TCF7L2: variants seen among roughly 807,000 people sequenced by gnomAD.
The protein encoded by TCF7L2 is transcription factor 7 like 2.
TCF7L2 carries 23 observed loss-of-function variants against 77.9 expected under a neutral mutation model. That is an observed-to-expected ratio of 0.30 (90% CI 0.21 to 0.42). The LOEUF is 0.42. Among genes scored for constraint, TCF7L2 ranks in the 10% least tolerant of loss-of-function variants. TCF7L2 has a pLI of 1.00. For missense variants in TCF7L2, 654 were observed against 793.1 expected, an observed-to-expected ratio of 0.82 and a Z score of 2.11; for synonymous variants, 413 against 340.2, an observed-to-expected ratio of 1.21 and a Z score of -2.36.
intron 4 of TCF7L2, among the ~76,000 whole-genome samples, chr10:113,018,836 CTGTT>C (rs1293162832): frequency 6.6e-6 from 1 of 152,164 alleles, no homozygotes. Flanking sequence ...CTGCCGGGAT[CTGTT>C]TGTCCAGTGT....
At chr10:113,110,725 A>G (rs999323667) in intron 5 of TCF7L2, among the ~76,000 whole-genome samples, 2 of 152,208 alleles carry the variant, frequency 1.3e-5, no homozygotes, top group Non-Finnish European at 2.9e-5. Context: ...ATAAAGCCCT[A>G]AAATTAAGTA....
chr10:113,154,879 C>T (rs987102407), intron 11 of TCF7L2, among the ~76,000 whole-genome samples: 13 of 152,132 alleles, frequency 8.5e-5, no homozygotes, highest in African/African-American at 2.2e-4. Flanking sequence ...TGAACACACA[C>T]ACTCACACTC....
At position 113,151,118 on chromosome 10, in the gene TCF7L2, T is replaced by C; in HGVS notation, c.996T>C (p.His332=). ...CCCAGAGTGATGTCGGCTCACTCCA[T>C]AGTTCGTAAGTGTTGCTGTTTTTCT... Residue 332 remains histidine (H), a synonymous_variant, in exon 9 of 14, where the codon CAT becomes CAC. Coordinates refer to ENST00000627217, the MANE Select transcript of TCF7L2 (RefSeq NM_001146274.2). The surrounding 1 kb of genome is among the most constrained non-coding windows in gnomAD (Gnocchi z 5.2). 1.2e-6 allele frequency: 2 copies of C among 1,614,146 alleles called. No homozygotes were observed. Among genetic ancestry groups the C allele is most frequent in the Non-Finnish European group, 1.7e-6 (2 of 1,180,014 alleles).
chr10:113,026,408 C>A (rs2049181578), intron 4 of TCF7L2, among the ~76,000 whole-genome samples: 1 of 152,030 alleles, frequency 6.6e-6, no homozygotes. Context: ...ATCTGCCTGC[C>A]TCGGCCTCCC....
intron 4 of TCF7L2, among the ~76,000 whole-genome samples, chr10:113,033,378 C>T (rs1436106725): frequency 6.6e-6 from 1 of 152,124 alleles, no homozygotes; most frequent in African/African-American, 2.4e-5. Flanking sequence ...CCCACCTCAG[C>T]CTCCCAAGTA....
intron 13 of TCF7L2, among the ~76,000 whole-genome samples, chr10:113,164,422 A>AT (rs1416370681): frequency 2.0e-5 from 3 of 152,078 alleles, no homozygotes; most frequent in African/African-American, 7.2e-5. Context: ...CCATGCTGCG[A>AT]TTCCCTGGCA....
At chr10:113,014,613 C>A (rs149411468) in intron 4 of TCF7L2, among the ~76,000 whole-genome samples, 1 of 151,856 alleles carries the variant, frequency 6.6e-6, no homozygotes, top group Admixed American at 6.6e-5. Context: ...GGCGAAACCC[C>A]GTCTCTACTA....
chr10:113,148,408 A>G (rs914100751), intron 8 of TCF7L2, among the ~76,000 whole-genome samples: 1 of 152,218 alleles, frequency 6.6e-6, no homozygotes, highest in Non-Finnish European at 1.5e-5. Context: ...GAAATGTTAC[A>G]AGTGCAAGGG....
intron 4 of TCF7L2, among the ~76,000 whole-genome samples, 193 bp downstream of exon 4, chr10:112,964,817 G>GTGGTGATGGTGGTGGTGAT (rs2036319029): frequency 6.8e-6 from 1 of 147,012 alleles, no homozygotes; most frequent in Non-Finnish European, 1.5e-5. Context: ...GGTGGTGGGG[G>GTGGTGATGGTGGTGGTGAT]GGGGTTGAAT....
In TCF7L2 at chr10:112,979,492, C is replaced by T. The variant is rs368611031; in HGVS notation, c.450+14868C>T. ...TGACAATAGACTGGGTGCGGTGGCT[C>T]ATGCCTGTAATTCCAGCACTTTGGG... On this transcript the variant is annotated intron_variant, in intron 4 of 13. Coordinates refer to ENST00000627217, the MANE Select transcript of TCF7L2 (RefSeq NM_001146274.2). Among the ~76,000 whole-genome samples the T allele has an allele frequency of 7.2e-5, 11 of 152,284 alleles. No individual in the cohort carries two copies. In the South Asian group the frequency reaches 2.3e-3, roughly 32 times the overall value.
chr10:113,057,581 A>G (rs1422355683), intron 5 of TCF7L2, among the ~76,000 whole-genome samples: 3 of 152,242 alleles, frequency 2.0e-5, no homozygotes. Flanking sequence ...GTAAATAAGT[A>G]ACAGGGGAAA....
intron 4 of TCF7L2, among the ~76,000 whole-genome samples, chr10:112,992,359 G>A (rs1389039234): frequency 6.6e-6 from 1 of 152,192 alleles, no homozygotes; most frequent in Non-Finnish European, 1.5e-5. Flanking sequence ...GCCCTGGGAG[G>A]GATGCATGCC....
chr10:112,996,148 C>T (rs1331347169), intron 4 of TCF7L2, among the ~76,000 whole-genome samples: 1 of 151,994 alleles, frequency 6.6e-6, no homozygotes, highest in Admixed American at 6.6e-5. Context: ...GGGGTGCAGC[C>T]TAGGTTAGTA....
chr10:113,153,292 C>T (rs1244517849), intron 11 of TCF7L2, among the ~76,000 whole-genome samples: 2 of 152,242 alleles, frequency 1.3e-5, no homozygotes, highest in Non-Finnish European at 2.9e-5. Flanking sequence ...GCTTTCCTCT[C>T]TCGAGGGATG....
chr10:112,970,398 C>G (rs1349532213), intron 4 of TCF7L2, among the ~76,000 whole-genome samples: 1 of 151,790 alleles, frequency 6.6e-6, no homozygotes, highest in Non-Finnish European at 1.5e-5. Flanking sequence ...ATCAGTAAGG[C>G]CACCAGGACC....
intron 5 of TCF7L2, among the ~76,000 whole-genome samples, chr10:113,135,348 C>T (rs372315271): frequency 4.5e-4 from 69 of 152,100 alleles, no homozygotes; most frequent in African/African-American, 1.4e-3. Flanking sequence ...GGTGGAAGGG[C>T]TTTGTGTGCC....
chr10:113,124,343 G>T (rs909117128), intron 5 of TCF7L2, among the ~76,000 whole-genome samples: 1 of 152,150 alleles, frequency 6.6e-6, no homozygotes, highest in Non-Finnish European at 1.5e-5. Flanking sequence ...GGCCAGTAGG[G>T]TGGTCAGTGG....
chr10:113,127,507 C>T (rs1016230168), intron 5 of TCF7L2, among the ~76,000 whole-genome samples: 3 of 152,128 alleles, frequency 2.0e-5, no homozygotes, highest in African/African-American at 7.2e-5. Flanking sequence ...TCCTCCTGCA[C>T]ATGATTGTAA....
chr10:113,084,004 A>G (rs1197216746), intron 5 of TCF7L2, among the ~76,000 whole-genome samples: 2 of 152,190 alleles, frequency 1.3e-5, no homozygotes, highest in African/African-American at 4.8e-5. Context: ...ATTAAATGAG[A>G]TGATTTCTAA....
Sources: gnomAD v4.1 joint callset for allele counts (sites outside exome capture counted in the v4.1 genomes callset) on GRCh38, gnomAD v4.1.1 for gene constraint, Gnocchi (gnomAD v3.1) non-coding constraint, MANE v1.5 for transcripts, NCBI Gene and HGNC (gene_info 2026-07-23, HGNC 2026-07-21) for gene names.